The following STX18 variants were observed in gnomAD, a reference collection of about 807,000 sequenced individuals.
STX18 encodes the protein syntaxin-18.
A neutral mutation model predicts 50.1 loss-of-function variants in STX18; 40 were observed. The ratio of observed to expected loss-of-function variants is 0.80; its 90% CI spans 0.62 to 1.04. The LOEUF is 1.04. Among genes scored for constraint, STX18 ranks in the 50% least tolerant of loss-of-function variants. The pLI is 0.00. For synonymous variants in STX18, 158 were observed against 151.8 expected, an observed-to-expected ratio of 1.04 and a Z score of -0.30; for missense variants, 410 against 415.8, an observed-to-expected ratio of 0.99 and a Z score of 0.12.
At chr4:4,517,107 C>T (rs1163585578) in intron 1 of STX18, among the ~76,000 whole-genome samples, 1 of 152,214 alleles carries the variant, frequency 6.6e-6, no homozygotes, top group African/African-American at 2.4e-5. Flanking sequence ...GAGCTCCCGA[C>T]TGTATCAAAC....
chr4:4,500,260 G>A (rs1211803873), intron 1 of STX18, among the ~76,000 whole-genome samples: 2 of 152,114 alleles, frequency 1.3e-5, no homozygotes, highest in Admixed American at 6.6e-5. Flanking sequence ...TCCATTTTAT[G>A]CACATAACTT....
At chr4:4,511,625 C>A (rs10024586) in intron 1 of STX18, among the ~76,000 whole-genome samples, 1 of 151,306 alleles carries the variant, frequency 6.6e-6, no homozygotes, top group Non-Finnish European at 1.5e-5. Flanking sequence ...TGGGTGATGG[C>A]GTATTTGTAT....
At chr4:4,483,919 T>C (rs577613935) in intron 1 of STX18, among the ~76,000 whole-genome samples, 1 of 152,242 alleles carries the variant, frequency 6.6e-6, no homozygotes, top group Admixed American at 6.5e-5. Flanking sequence ...TGGAGTGCAG[T>C]GGCATGATCT....
chr4:4,473,725 C>T (rs1250213055), intron 1 of STX18, among the ~76,000 whole-genome samples: 2 of 152,156 alleles, frequency 1.3e-5, no homozygotes, highest in Non-Finnish European at 2.9e-5. Flanking sequence ...ATCTCCTTAC[C>T]TCCTTCCCCT....
chr4:4,471,392 C>T (rs754193877), intron 2 of STX18, among the ~76,000 whole-genome samples: 8 of 152,128 alleles, frequency 5.3e-5, no homozygotes, highest in Non-Finnish European at 1.2e-4. Flanking sequence ...TTTCATTTGA[C>T]AGGAGATAAT....
intron 2 of STX18, among the ~76,000 whole-genome samples, chr4:4,464,051 T>A (rs1314304648): frequency 6.6e-6 from 1 of 152,248 alleles, no homozygotes; most frequent in East Asian, 1.9e-4. Context: ...CAGGATTTAT[T>A]TTATATTCTC....
intron 2 of STX18, among the ~76,000 whole-genome samples, chr4:4,463,378 A>T (rs1727477829): frequency 1.3e-5 from 2 of 152,192 alleles, no homozygotes; most frequent in African/African-American, 4.8e-5. Flanking sequence ...TTTTTCCCCA[A>T]CATTAAAATA....
intron 2 of STX18, chr4:4,461,847 G>A (rs1485506614): frequency 2.2e-5 from 10 of 455,830 alleles, no homozygotes; most frequent in Non-Finnish European, 3.5e-5. Context: ...TGGCCCCCTC[G>A]CAGAAAGCAT....
chr4:4,478,862 G>T (rs573622822), intron 1 of STX18: 1 of 152,516 alleles, frequency 6.6e-6, no homozygotes, highest in Non-Finnish European at 1.5e-5. Flanking sequence ...CAGCAGAGAG[G>T]GTATATTCTG....
At chr4:4,440,547 G>A (rs1190338873) in intron 5 of STX18, among the ~76,000 whole-genome samples, 4 of 152,174 alleles carry the variant, frequency 2.6e-5, no homozygotes, top group African/African-American at 9.7e-5. Context: ...TTCTGTGGTC[G>A]AATCAGTCTG....
intron 2 of STX18, among the ~76,000 whole-genome samples, chr4:4,471,051 C>A (rs1004993196): frequency 6.6e-6 from 1 of 152,052 alleles, no homozygotes; most frequent in African/African-American, 2.4e-5. Flanking sequence ...GCAAAAGTGC[C>A]GTAAGAAATG....
chr4:4,483,924 T>C (rs995493108), intron 1 of STX18, among the ~76,000 whole-genome samples: 11 of 152,124 alleles, frequency 7.2e-5, no homozygotes, highest in Middle Eastern at 3.4e-3. Flanking sequence ...TGCAGTGGCA[T>C]GATCTCAGCT....
chr4:4,481,626 C>A lies in STX18; in HGVS notation c.169-9920G>T, dbSNP rs987009829. On this transcript the variant is annotated intron_variant, in intron 1 of 10. Coordinates refer to ENST00000306200, the MANE Select transcript of STX18 (RefSeq NM_016930.4). ...GTACCCAAGTTTAATTTGGAGCCCA[C>A]TGACTAAATTCCGAGTCTAACTCCT... 8 of 152,208 alleles carry A rather than the reference C, an allele frequency of 5.3e-5. 1 individual carries two copies. The highest frequency in any genetic ancestry group is 1.2e-4 in the African/African-American group (5 of 41,446). 9.4% of individuals were successfully genotyped at this position (152,208 alleles called of 1,614,324 possible).
intron 1 of STX18, among the ~76,000 whole-genome samples, chr4:4,491,805 AAAGT>A (rs199518729): frequency 0.013 from 2,044 of 152,262 alleles, 20 homozygotes; most frequent in Middle Eastern, 0.031. Context: ...ATGAAACTAA[AAAGT>A]AAGATTTCCT....
intron 5 of STX18, among the ~76,000 whole-genome samples, chr4:4,439,273 TAAAC>T (rs1385201325): frequency 3.0e-5 from 4 of 131,376 alleles, no homozygotes; most frequent in Middle Eastern, 9.6e-3. Context: ...CTCACCCACA[TAAAC>T]ACACACACAT....
At chr4:4,423,474 C>G in intron 9 of STX18, 44 bp downstream of exon 9, 9 of 1,586,474 alleles carry the variant, frequency 5.7e-6, no homozygotes, top group Non-Finnish European at 7.8e-6. Context: ...AGTACATTCC[C>G]CTTTGAGTGA....
chr4:4,471,796 G>A, intron 1 of STX18, 90 bp from the exon 2 acceptor site: 1 of 967,286 alleles, frequency 1.0e-6, no homozygotes, highest in South Asian at 1.9e-5. Flanking sequence ...AATGCAAATT[G>A]CAGAAAGATT....
At chr4:4,435,469 T>G (rs1243485565) in intron 6 of STX18, among the ~76,000 whole-genome samples, 1 of 152,194 alleles carries the variant, frequency 6.6e-6, no homozygotes, top group Non-Finnish European at 1.5e-5. Flanking sequence ...GCGGCTTGCT[T>G]TTCACACAGA....
intron 1 of STX18, among the ~76,000 whole-genome samples, chr4:4,478,343 T>C (rs969845938): frequency 1.3e-5 from 2 of 152,074 alleles, no homozygotes; most frequent in East Asian, 1.9e-4. Flanking sequence ...CATAGGGGTA[T>C]TGAGAAGAAG....
Sources: gnomAD v4.1 joint callset for allele counts (sites outside exome capture counted in the v4.1 genomes callset) on GRCh38, gnomAD v4.1.1 for gene constraint, MANE v1.5 for transcripts, NCBI Gene and HGNC (gene_info 2026-07-23, HGNC 2026-07-21) for gene names.